COPG2: variants seen among roughly 807,000 people sequenced by gnomAD.
COPG2 encodes coatomer subunit gamma-2.
In COPG2, 37 loss-of-function variants were observed where a neutral mutation model predicts 46.3. The ratio of observed to expected loss-of-function variants is 0.80; its 90% CI spans 0.61 to 1.05. COPG2 has a LOEUF of 1.05. Ranked by LOEUF, COPG2 falls within the 50% of genes least tolerant of loss-of-function variation. The pLI is 0.00. For missense variants in COPG2, 427 were observed against 387.8 expected, an observed-to-expected ratio of 1.10 and a Z score of -0.85; for synonymous variants, 159 against 129.7, an observed-to-expected ratio of 1.23 and a Z score of -1.53.
chr7:130,629,746 T>C (rs546302257), intron 5 of COPG2, among the ~76,000 whole-genome samples: 1 of 152,228 alleles, frequency 6.6e-6, no homozygotes, highest in African/African-American at 2.4e-5. Context: ...CTCTCAGCTC[T>C]TGAAATTCTT....
intron 5 of COPG2, among the ~76,000 whole-genome samples, chr7:130,622,371 G>T (rs1795055295): frequency 6.6e-6 from 1 of 152,172 alleles, no homozygotes; most frequent in Non-Finnish European, 1.5e-5. Context: ...GTGCATACCT[G>T]AAGTAAGGCA....
chr7:130,545,567 G>T (rs1019218698), intron 20 of COPG2, among the ~76,000 whole-genome samples: 9 of 152,228 alleles, frequency 5.9e-5, no homozygotes, highest in Non-Finnish European at 1.2e-4. Flanking sequence ...CTTTAGATTG[G>T]CCATGGATTA....
At chr7:130,646,604 T>C (rs1795599349) in intron 5 of COPG2, among the ~76,000 whole-genome samples, 1 of 152,204 alleles carries the variant, frequency 6.6e-6, no homozygotes, top group Admixed American at 6.5e-5. Flanking sequence ...TGATATGGTT[T>C]GGCTCTGTCA....
chr7:130,509,191 A>G (rs1554440669), intron 20 of COPG2: 2 of 462,396 alleles, frequency 4.3e-6, no homozygotes, highest in African/African-American at 2.0e-5. Flanking sequence ...CCTTCAGCCT[A>G]AAGTGAGTAG....
intron 9 of COPG2, among the ~76,000 whole-genome samples, chr7:130,575,610 C>G (rs1554446107): frequency 6.6e-6 from 1 of 152,092 alleles, no homozygotes; most frequent in Non-Finnish European, 1.5e-5. Context: ...CTTTAAAAAG[C>G]ATAAATCACA....
At chr7:130,569,029 C>CAGCAAAAA (rs1206846684) in intron 9 of COPG2, among the ~76,000 whole-genome samples, 1 of 151,650 alleles carries the variant, frequency 6.6e-6, no homozygotes, top group Non-Finnish European at 1.5e-5. Flanking sequence ...ATAGTATATA[C>CAGCAAAAA]AGACCTCTGA....
chr7:130,661,960 T>C (rs1554460843), intron 4 of COPG2, among the ~76,000 whole-genome samples: 1 of 152,096 alleles, frequency 6.6e-6, no homozygotes, highest in Admixed American at 6.6e-5. Context: ...ACAATGCAAA[T>C]TGAATTCACA....
At chr7:130,655,628 T>C (rs3857854) in intron 4 of COPG2, among the ~76,000 whole-genome samples, 120,596 of 151,708 alleles carry the variant, frequency 0.79, 48,240 homozygotes, top group Non-Finnish European at 0.85. Context: ...TTCTGCTTCA[T>C]AAATTCGAGC....
chr7:130,595,495 T>C (rs1794511156), intron 9 of COPG2, among the ~76,000 whole-genome samples: 1 of 152,116 alleles, frequency 6.6e-6, no homozygotes, highest in African/African-American at 2.4e-5. Context: ...AAAAGGTGAG[T>C]TTTATGGTTT....
chr7:130,644,095 G>A (rs1410850332), intron 5 of COPG2, among the ~76,000 whole-genome samples: 1 of 152,166 alleles, frequency 6.6e-6, no homozygotes, highest in African/African-American at 2.4e-5. Context: ...CTATTAATTA[G>A]AGAATGAATC....
chr7:130,658,218 A>G (rs1554460151), intron 4 of COPG2, among the ~76,000 whole-genome samples: 3 of 152,220 alleles, frequency 2.0e-5, no homozygotes, highest in Admixed American at 6.5e-5. Context: ...ATAAAAATAA[A>G]CTACTGATAC....
chr7:130,637,028 T>G (rs888553847), intron 5 of COPG2, among the ~76,000 whole-genome samples: 1 of 152,056 alleles, frequency 6.6e-6, no homozygotes, highest in Non-Finnish European at 1.5e-5. Context: ...AATTCTTTTC[T>G]TTAAGAATGT....
chr7:130,611,798 T>G (rs1342467076), intron 8 of COPG2, among the ~76,000 whole-genome samples: 1 of 152,168 alleles, frequency 6.6e-6, no homozygotes, highest in East Asian at 1.9e-4. Context: ...TAAAAGCTGC[T>G]CCGTATGATT....
At chr7:130,622,451 C>T (rs1459652537) in intron 5 of COPG2, among the ~76,000 whole-genome samples, 2 of 152,302 alleles carry the variant, frequency 1.3e-5, no homozygotes, top group South Asian at 4.1e-4. Context: ...ACAGATAAGG[C>T]CTGAGACCAT....
chr7:130,525,889 A>C (rs1278661485), intron 20 of COPG2, among the ~76,000 whole-genome samples: 3 of 152,154 alleles, frequency 2.0e-5, no homozygotes, highest in Non-Finnish European at 2.9e-5. Flanking sequence ...GGACCTATGT[A>C]AGAAGGTCTT....
At chr7:130,605,270 C>G (rs1262421138) in intron 9 of COPG2, 1 of 519,910 alleles carries the variant, frequency 1.9e-6, no homozygotes, top group African/African-American at 1.9e-5. Flanking sequence ...AGCAAATTAT[C>G]TGATTCAGTT....
chr7:130,555,199 G>C (rs1584971992), intron 12 of COPG2, 67 bp from the exon 13 acceptor site: 5 of 395,148 alleles, frequency 1.3e-5, no homozygotes. Context: ...AAAGCAAACA[G>C]AGAAAAGACA....
rs1359754097 is a variant in COPG2, at chr7:130,628,250, G to A, written c.324-11185C>T. 4.0e-5 allele frequency among the ~76,000 whole-genome samples: 6 copies of A among 151,640 alleles called. No individual in the cohort carries two copies. The East Asian group carries it at 7.7e-4, about 20-fold the overall frequency. On this transcript the variant is annotated intron_variant, in intron 5 of 23. Coordinates refer to ENST00000425248, the MANE Select transcript of COPG2 (RefSeq NM_012133.6). The stretch of plus-strand genomic sequence containing the variant: ...TTCTCTGCCCATCTCCTCTACCCCC[G>A]CCCCCTTTCTGCCTGAGTTTGGGTT...
At chr7:130,575,238 T>C (rs1029236644) in intron 9 of COPG2, among the ~76,000 whole-genome samples, 20 of 152,306 alleles carry the variant, frequency 1.3e-4, no homozygotes, top group South Asian at 8.3e-4. Context: ...GATCATCACT[T>C]AGGCACACTG....
Sources: gnomAD v4.1 joint callset for allele counts (sites outside exome capture counted in the v4.1 genomes callset) on GRCh38, gnomAD v4.1.1 for gene constraint, MANE v1.5 for transcripts, NCBI Gene and HGNC (gene_info 2026-07-23, HGNC 2026-07-21) for gene names.